The following GRID1 variants were observed in gnomAD, a reference collection of about 807,000 sequenced individuals.
GRID1 encodes the protein glutamate receptor ionotropic, delta-1.
A neutral mutation model predicts 98.0 loss-of-function variants in GRID1; 28 were observed. The observed-to-expected ratio is 0.29, with a 90% CI of 0.21 to 0.39. The LOEUF (loss-of-function observed/expected upper bound fraction) is 0.39, where lower values mean the gene tolerates loss of function less well. Ranked by LOEUF, GRID1 falls within the 10% of genes least tolerant of loss-of-function variation. GRID1 has a pLI of 1.00. For missense variants in GRID1, 1,111 were observed against 1,340.5 expected (o/e 0.83, Z 2.67); for synonymous variants, 553 against 538.5 (o/e 1.03, Z -0.37).
rs562144937 is a variant in GRID1, at chr10:86,093,923, T to C, written c.726+44896A>G. On this transcript the variant is annotated intron_variant, in intron 4 of 15. Coordinates refer to ENST00000327946, the MANE Select transcript of GRID1 (RefSeq NM_017551.3). ...GAAAACTACAGACCGATATCCTTGATGAACATAGATGCTAAAATCTTAACA... is the reference window on the plus strand; with the variant it reads ...GAAAACTACAGACCGATATCCTTGACGAACATAGATGCTAAAATCTTAACA... Among the ~76,000 whole-genome samples, 3 of 152,320 alleles carry C rather than the reference T, an allele frequency of 2.0e-5. No homozygotes were observed. The South Asian group carries it at 6.2e-4, about 32-fold the overall frequency.
chr10:85,657,640 T>C (rs1043461361), intron 12 of GRID1, among the ~76,000 whole-genome samples: 11 of 152,198 alleles, frequency 7.2e-5, no homozygotes, highest in African/African-American at 2.7e-4. Context: ...TAGTAATAGT[T>C]TGAGGTGCTT....
chr10:85,654,803 A>C (rs1840875496), intron 12 of GRID1, among the ~76,000 whole-genome samples: 1 of 152,170 alleles, frequency 6.6e-6, no homozygotes, highest in Non-Finnish European at 1.5e-5. Context: ...TCACTTCTGC[A>C]CCTTCTGCCT....
chr10:85,612,668 G>A (rs1267800705), intron 15 of GRID1, among the ~76,000 whole-genome samples: 1 of 151,712 alleles, frequency 6.6e-6, no homozygotes, highest in Admixed American at 6.6e-5. Flanking sequence ...ACCACCAAAT[G>A]ACACTACTTT....
chr10:86,018,297 C>T (rs1843004830), intron 4 of GRID1, among the ~76,000 whole-genome samples: 1 of 152,222 alleles, frequency 6.6e-6, no homozygotes, highest in South Asian at 2.1e-4. Flanking sequence ...CCCTGAAACA[C>T]ACCAAAATTG....
chr10:86,145,397 A>G (rs754307904), intron 3 of GRID1, among the ~76,000 whole-genome samples: 3 of 151,998 alleles, frequency 2.0e-5, no homozygotes, highest in Non-Finnish European at 2.9e-5. Context: ...TCATTTTTGT[A>G]TTTTTTGTAG....
chr10:86,012,224 T>C (rs983652570), intron 4 of GRID1, among the ~76,000 whole-genome samples: 1 of 152,064 alleles, frequency 6.6e-6, no homozygotes, highest in African/African-American at 2.4e-5. Context: ...AATACAAAGA[T>C]GAGGGGAGTG....
chr10:85,916,000 C>G (rs1161338154), intron 5 of GRID1, among the ~76,000 whole-genome samples, 186 bp downstream of exon 5: 8 of 152,200 alleles, frequency 5.3e-5, no homozygotes, highest in Non-Finnish European at 8.8e-5. Context: ...CTCTCGTTCC[C>G]ACCTGCCAGG....
intron 12 of GRID1, among the ~76,000 whole-genome samples, chr10:85,673,583 C>T (rs1841111426): frequency 6.6e-6 from 1 of 152,164 alleles, no homozygotes; most frequent in Non-Finnish European, 1.5e-5. Context: ...CCTCCACCAG[C>T]AAAAAGATTA....
intron 8 of GRID1, among the ~76,000 whole-genome samples, chr10:85,792,781 G>A (rs1042475814): frequency 5.9e-5 from 9 of 152,180 alleles, no homozygotes; most frequent in African/African-American, 1.7e-4. Flanking sequence ...ATGACACCCA[G>A]AGTCCTGCAG....
chr10:86,093,388 G>GA (rs539263812), intron 4 of GRID1, among the ~76,000 whole-genome samples: 8,955 of 121,542 alleles, frequency 0.074, 319 homozygotes, highest in African/African-American at 0.089. Flanking sequence ...AAATGAAACT[G>GA]AAAAAAAAAA....
intron 6 of GRID1, among the ~76,000 whole-genome samples, chr10:85,858,271 C>A (rs1279871543): frequency 6.6e-6 from 1 of 152,174 alleles, no homozygotes; most frequent in Non-Finnish European, 1.5e-5. Context: ...TGTGCTAAAG[C>A]AAGAGCCTTG....
intron 6 of GRID1, among the ~76,000 whole-genome samples, chr10:85,860,979 T>C (rs1361840134): frequency 6.6e-6 from 1 of 152,174 alleles, no homozygotes; most frequent in African/African-American, 2.4e-5. Flanking sequence ...CTAAGATCTT[T>C]GCATGCATCT....
chr10:85,714,819 C>G (rs1300440921), intron 12 of GRID1, among the ~76,000 whole-genome samples: 1 of 151,880 alleles, frequency 6.6e-6, no homozygotes, highest in Non-Finnish European at 1.5e-5. Flanking sequence ...TAATACCACC[C>G]AAAGTGATCT....
chr10:85,634,998 G>GA lies in GRID1; in HGVS notation c.2193+12203dup, dbSNP rs140144576. On this transcript the variant is annotated intron_variant, in intron 13 of 15. Transcript: ENST00000327946. ...GCAAATTACAGGGCAGAGGAAATCT[G>GA]AAAAAAAAAAAAAAAAAAAAAAAAA... 1.1e-3 allele frequency among the ~76,000 whole-genome samples: 40 copies of GA among 35,008 alleles called. 7 individuals are homozygous for GA. Among genetic ancestry groups the GA allele is most frequent in the Non-Finnish European group, 1.4e-3 (26 of 18,564 alleles). The allele number at this position is 35,008 out of a possible 152,430, so 23.0% of individuals were successfully genotyped here.
At chr10:86,202,648 A>G (rs1301655768) in intron 3 of GRID1, among the ~76,000 whole-genome samples, 1 of 152,204 alleles carries the variant, frequency 6.6e-6, no homozygotes, top group Non-Finnish European at 1.5e-5. Flanking sequence ...TGTAAACCAT[A>G]TACATACCAA....
In GRID1 at chr10:85,651,160, A is replaced by G. The variant is rs1228399906; in HGVS notation, c.1998-3763T>C. ...TATAATCTCTGAAGCCTTAGATTTC[A>G]TAACTCATACCCAACTCACAGGGTT... On this transcript the variant is annotated intron_variant, in intron 12 of 15. Transcript: ENST00000327946. Among the ~76,000 whole-genome samples the G allele has an allele frequency of 2.6e-5, 4 of 152,218 alleles. No individual in the cohort carries two copies. In the East Asian group the frequency reaches 7.7e-4, roughly 29 times the overall value.
intron 2 of GRID1, among the ~76,000 whole-genome samples, chr10:86,233,023 C>A (rs1387740495): frequency 1.3e-5 from 2 of 152,034 alleles, no homozygotes; most frequent in Non-Finnish European, 1.5e-5. Context: ...TTGCAGGAAC[C>A]CTTCAGGATA....
rs750860828 is a variant in GRID1 at position 85,724,567 on chromosome 10, G to C, written c.1643C>G (p.Pro548Arg). ...GGAGAAGATGCTGATTTTCTCCTCGGGCTTCTTAATTAGAATCCCCACTGA... is the reference window on the plus strand; with the variant it reads ...GGAGAAGATGCTGATTTTCTCCTCGCGCTTCTTAATTAGAATCCCCACTGA... ...DYSVGILIKK[P>R]EEKISIFSLF... is the part of the protein sequence containing the mutation. The change falls in exon 11 of 16, where the codon CCC becomes CGC. Residue 548 changes from proline to arginine, a missense_variant. This residue lies in a region of GRID1 where 762 missense variants were observed against 869.1 expected (regional missense o/e 0.88). Transcript: ENST00000327946. The C allele has an allele frequency of 6.2e-7, 1 of 1,613,406 alleles. No homozygotes were observed. The highest frequency in any genetic ancestry group is 2.2e-5 in the East Asian group (1 of 44,858).
intron 4 of GRID1, among the ~76,000 whole-genome samples, chr10:86,127,914 C>A (rs148230037): frequency 6.6e-6 from 1 of 152,172 alleles, no homozygotes; most frequent in Non-Finnish European, 1.5e-5. Flanking sequence ...ATTTGCAGAG[C>A]ACCACCCCTG....
Sources: allele counts gnomAD v4.1 joint callset (sites outside exome capture counted in the v4.1 genomes callset), GRCh38; gene constraint gnomAD v4.1.1; regional missense constraint gnomAD v4.1.1; transcripts MANE v1.5; gene names NCBI Gene and HGNC (gene_info 2026-07-23, HGNC 2026-07-21).